Variants in ESRRG observed in about 807,000 individuals in gnomAD.
ESRRG encodes estrogen-related receptor gamma.
Under a neutral mutation model 44.0 loss-of-function variants are expected in ESRRG, and 13 were observed. The ratio of observed to expected loss-of-function variants is 0.30; its 90% confidence interval spans 0.19 to 0.47. The LOEUF (loss-of-function observed/expected upper bound fraction) is 0.47, where lower values mean the gene tolerates loss of function less well. ESRRG is among the 20% of genes least tolerant of loss of function. The pLI, the probability that ESRRG is intolerant of heterozygous loss-of-function variation, is 1.00. For synonymous variants in ESRRG, 215 were observed against 214.6 expected (o/e 1.00, Z -0.02); for missense variants, 395 against 580.6 (o/e 0.68, Z 3.29).
At chr1:216,600,424 G>A (rs1159614987) in intron 3 of ESRRG, among the ~76,000 whole-genome samples, 2 of 152,136 alleles carry the variant, frequency 1.3e-5, no homozygotes, top group Non-Finnish European at 2.9e-5. Flanking sequence ...GATAATGAGG[G>A]AGGGTATGGA....
chr1:217,015,633 A>T (rs553458043), intron 1 of ESRRG, among the ~76,000 whole-genome samples: 2 of 152,180 alleles, frequency 1.3e-5, no homozygotes, highest in Non-Finnish European at 2.9e-5. Flanking sequence ...ACAAGATGCA[A>T]GAGAGTTGTG....
intron 1 of ESRRG, among the ~76,000 whole-genome samples, chr1:217,119,020 TA>T (rs1190369971): frequency 6.6e-6 from 1 of 150,484 alleles, no homozygotes; most frequent in East Asian, 2.0e-4. Flanking sequence ...GATAGATAGA[TA>T]GATAGATAGA....
chr1:217,080,709 G>A (rs1217933389), intron 1 of ESRRG, among the ~76,000 whole-genome samples: 31 of 114,486 alleles, frequency 2.7e-4, no homozygotes, highest in Admixed American at 1.1e-3. Flanking sequence ...ACAGAGTCTC[G>A]CTCTGTTGCC....
intron 2 of ESRRG, among the ~76,000 whole-genome samples, chr1:216,923,264 T>A (rs1353713535): frequency 6.6e-6 from 1 of 152,194 alleles, no homozygotes; most frequent in African/African-American, 2.4e-5. Context: ...TCAGTGCCAT[T>A]CTTAACACTA....
chr1:216,564,849 A>T lies in ESRRG; in HGVS notation c.701-469T>A, dbSNP rs564809318. Among the ~76,000 whole-genome samples the T allele has an allele frequency of 3.9e-5, 6 of 152,314 alleles. 1 individual carries two copies. The highest frequency in any genetic ancestry group is 1.4e-4 in the African/African-American group (6 of 41,586). On this transcript the variant is annotated intron_variant, in intron 4 of 6. Transcript: ENST00000408911. Reference sequence around the variant, plus strand: ...TATAGTCATAATGGGCATGAAAGTCATTAATTGTCTTAATTCCTTTAAAGA... The same window carrying T: ...TATAGTCATAATGGGCATGAAAGTCTTTAATTGTCTTAATTCCTTTAAAGA...
At chr1:216,659,646 C>T (rs2071727033) in intron 2 of ESRRG, among the ~76,000 whole-genome samples, 1 of 152,182 alleles carries the variant, frequency 6.6e-6, no homozygotes, top group Non-Finnish European at 1.5e-5. Context: ...TAGAAAGCAG[C>T]ATCCTTTCCT....
intron 3 of ESRRG, among the ~76,000 whole-genome samples, chr1:216,648,131 CA>C (rs2068047278): frequency 6.6e-6 from 1 of 152,154 alleles, no homozygotes; most frequent in South Asian, 2.1e-4. Flanking sequence ...CATAAAGATA[CA>C]TTTCAGACAG....
Position 216,772,379 on chromosome 1 carries a change from G to A in ESRRG, c.-13-94888C>T, listed in dbSNP as rs549323017. On this transcript the variant is annotated intron_variant, in intron 2 of 7. Coordinates refer to the ESRRG transcript ENST00000359162. The stretch of plus-strand genomic sequence containing the variant: ...CTAACATCCCAGAATTCAGCAGCTC[G>A]GGTAGAAGCTGCACATGACAAGTTT... Among the ~76,000 whole-genome samples, 19 of 152,138 alleles carry A rather than the reference G, an allele frequency of 1.2e-4. No homozygotes were observed. The South Asian group carries it at 2.9e-3, about 23-fold the overall frequency.
intron 1 of ESRRG, among the ~76,000 whole-genome samples, chr1:217,018,133 T>C (rs2079710447): frequency 6.6e-6 from 1 of 152,190 alleles, no homozygotes; most frequent in African/African-American, 2.4e-5. Flanking sequence ...ATGGAAATAA[T>C]GGTTATTAAA....
Position 216,807,079 on chromosome 1 carries a change from C to T in ESRRG, c.-13-129588G>A, listed in dbSNP as rs973033819. Among the ~76,000 whole-genome samples the T allele has an allele frequency of 2.1e-4, 32 of 152,140 alleles. 1 individual carries two copies. The highest frequency in any genetic ancestry group is 1.2e-4 in the Non-Finnish European group (8 of 68,032). ...CTTTAATGCATTCTGGGAGTAGCTA[C>T]CATCAGTAACTGACAATTAACAATC... On this transcript the variant is annotated intron_variant, in intron 2 of 7. Coordinates refer to the ESRRG transcript ENST00000359162.
intron 3 of ESRRG, among the ~76,000 whole-genome samples, chr1:216,610,617 C>T (rs1358422497): frequency 1.3e-5 from 2 of 151,862 alleles, no homozygotes; most frequent in African/African-American, 4.8e-5. Flanking sequence ...GGAAGGATAA[C>T]CAAATACTTC....
intron 1 of ESRRG, among the ~76,000 whole-genome samples, chr1:217,022,973 T>A (rs998896991): frequency 6.6e-6 from 1 of 152,106 alleles, no homozygotes; most frequent in Non-Finnish European, 1.5e-5. Context: ...AATATTCCTT[T>A]TGTGTGCTGG....
At chr1:217,038,743 C>T (rs2083341565) in intron 1 of ESRRG, among the ~76,000 whole-genome samples, 1 of 152,228 alleles carries the variant, frequency 6.6e-6, no homozygotes, top group African/African-American at 2.4e-5. Context: ...ACATTTTCCC[C>T]ATTGTCCTGG....
chr1:216,710,547 T>A (rs2083388096), intron 1 of ESRRG, among the ~76,000 whole-genome samples: 1 of 152,214 alleles, frequency 6.6e-6, no homozygotes, highest in Non-Finnish European at 1.5e-5. Context: ...GCAAATAGTT[T>A]TTAAAAATGC....
At chr1:217,051,747 A>T (rs2086082148) in intron 1 of ESRRG, among the ~76,000 whole-genome samples, 1 of 152,106 alleles carries the variant, frequency 6.6e-6, no homozygotes, top group South Asian at 2.1e-4. Context: ...CTGGAGTCCT[A>T]TTCTGCCCTC....
At chr1:216,780,692 G>A (rs1479293581) in intron 2 of ESRRG, among the ~76,000 whole-genome samples, 1 of 152,002 alleles carries the variant, frequency 6.6e-6, no homozygotes, top group Non-Finnish European at 1.5e-5. Flanking sequence ...CACATAGAGG[G>A]AGTGGGTTCC....
At chr1:216,782,871 T>TA (rs1281602885) in intron 2 of ESRRG, among the ~76,000 whole-genome samples, 2 of 152,002 alleles carry the variant, frequency 1.3e-5, no homozygotes, top group African/African-American at 4.8e-5. Flanking sequence ...TGGCTGAAAA[T>TA]AAAAAATATC....
intron 5 of ESRRG, among the ~76,000 whole-genome samples, chr1:216,561,369 C>G (rs955745766): frequency 6.6e-6 from 1 of 151,906 alleles, no homozygotes; most frequent in Non-Finnish European, 1.5e-5. Flanking sequence ...TAAAAAATGA[C>G]TTCACTTTAA....
At chr1:217,080,910 C>A (rs1208246311) in intron 1 of ESRRG, among the ~76,000 whole-genome samples, 1 of 151,872 alleles carries the variant, frequency 6.6e-6, no homozygotes, top group Non-Finnish European at 1.5e-5. Flanking sequence ...ATCTCCTGAC[C>A]TCGTGATCCG....
Sources: allele counts gnomAD v4.1 joint callset (sites outside exome capture counted in the v4.1 genomes callset), GRCh38; gene constraint gnomAD v4.1.1; transcripts MANE v1.5; gene names NCBI Gene and HGNC (gene_info 2026-07-23, HGNC 2026-07-21).